The following NPHP4 variants were observed in gnomAD, a reference collection of about 807,000 sequenced individuals.
NPHP4 encodes nephrocystin-4.
In NPHP4, 151 loss-of-function variants were observed where a neutral mutation model predicts 155.8. The ratio of observed to expected loss-of-function variants is 0.97; its 90% confidence interval spans 0.85 to 1.11. The LOEUF is 1.11. Among genes scored for constraint, NPHP4 ranks in the 50% least tolerant of loss-of-function variants. The pLI, the probability that NPHP4 is intolerant of heterozygous loss-of-function variation, is 0.00. For synonymous variants in NPHP4, 845 were observed against 816.8 expected (o/e 1.03, Z -0.59); for missense variants, 1,956 against 1,925.7 (o/e 1.02, Z -0.29).
intron 4 of NPHP4, among the ~76,000 whole-genome samples, chr1:5,968,610 A>T (rs1245828198): frequency 6.6e-6 from 1 of 151,868 alleles, no homozygotes; most frequent in Non-Finnish European, 1.5e-5. Flanking sequence ...CGAAGAAAAA[A>T]AAAAAGGCAA....
At chr1:5,992,029 G>T (rs544293283) in intron 1 of NPHP4, among the ~76,000 whole-genome samples, 1 of 152,058 alleles carries the variant, frequency 6.6e-6, no homozygotes, top group Non-Finnish European at 1.5e-5. Context: ...GTGTCCCGAC[G>T]AGGGGGGACG....
intron 26 of NPHP4, 195 bp from the exon 27 acceptor site, chr1:5,865,468 TA>T (rs1641122663): frequency 4.0e-6 from 2 of 501,396 alleles, no homozygotes; most frequent in Admixed American, 6.6e-5. Context: ...GAGGCAGAGC[TA>T]GGGCCTGGTG....
At chr1:5,974,524 T>C (rs1219616702) in intron 3 of NPHP4, among the ~76,000 whole-genome samples, 2 of 152,154 alleles carry the variant, frequency 1.3e-5, no homozygotes, top group Non-Finnish European at 2.9e-5. Flanking sequence ...GACACTTTTT[T>C]AGAAGTTGAA....
intron 6 of NPHP4, among the ~76,000 whole-genome samples, chr1:5,955,478 T>A (rs1403856912): frequency 6.6e-6 from 1 of 152,228 alleles, no homozygotes; most frequent in African/African-American, 2.4e-5. Context: ...AGACACAGAA[T>A]CAACCTAGGT....
In NPHP4 at chr1:5,967,401, T is replaced by A. The variant is rs151083111; in HGVS notation, c.453-38A>T. 6.4e-4 allele frequency: 979 copies of A among 1,533,760 alleles called. 3 individuals carry two copies. In the African/African-American group the frequency reaches 0.012, roughly 19 times the overall value. On this transcript the variant is annotated intron_variant, in intron 4 of 29. Coordinates refer to ENST00000378156, the MANE Select transcript of NPHP4 (RefSeq NM_015102.5). ...ACCCAGAGAACAGTCGTCAGCCACG[T>A]GCGCACTTCTCAGAAGGAAAGCACA...
chr1:5,874,292 G>A (rs1642319904), intron 22 of NPHP4, among the ~76,000 whole-genome samples, 179 bp downstream of exon 22: 1 of 135,486 alleles, frequency 7.4e-6, no homozygotes, highest in South Asian at 2.2e-4. Flanking sequence ...GAAGGGGCTG[G>A]TTGCCACTTG....
At chr1:5,900,540 G>C (rs963087715) in intron 16 of NPHP4, among the ~76,000 whole-genome samples, 3 of 152,176 alleles carry the variant, frequency 2.0e-5, no homozygotes, top group Non-Finnish European at 4.4e-5. Flanking sequence ...AGTAGTGCCA[G>C]GGGAGGAGGG....
At chr1:5,888,132 C>A (rs554354504) in intron 17 of NPHP4, among the ~76,000 whole-genome samples, 5 of 152,182 alleles carry the variant, frequency 3.3e-5, no homozygotes, top group African/African-American at 1.2e-4. Flanking sequence ...CATGCCAGGC[C>A]GAGGCTGCTC....
At chr1:5,982,343 G>C (rs1654844848) in intron 2 of NPHP4, among the ~76,000 whole-genome samples, 1 of 152,112 alleles carries the variant, frequency 6.6e-6, no homozygotes. Context: ...ATTGCCAATG[G>C]TATTCAGTAC....
chr1:5,904,478 G>T, intron 16 of NPHP4, 139 bp downstream of exon 16: 1 of 617,572 alleles, frequency 1.6e-6, no homozygotes, highest in Non-Finnish European at 2.6e-6. Context: ...CTAAGTGTTT[G>T]CTGCACTGGT....
At chr1:5,972,983 C>T (rs765902293) in intron 3 of NPHP4, among the ~76,000 whole-genome samples, 16 of 152,180 alleles carry the variant, frequency 1.1e-4, no homozygotes, top group Non-Finnish European at 1.8e-4. Context: ...CCGCCGAGCT[C>T]AGGTGATTCT....
At chr1:5,955,917 G>C (rs926833083) in intron 6 of NPHP4, among the ~76,000 whole-genome samples, 1 of 152,200 alleles carries the variant, frequency 6.6e-6, no homozygotes, top group African/African-American at 2.4e-5. Flanking sequence ...GAAATGATGA[G>C]TGTGGGAGAT....
In NPHP4 at chr1:5,866,476, A is replaced by T; in HGVS notation, c.3559-18T>A. ...CCGGGGCCCTGCCAACCAGATGTGC[A>T]GCACATCAGGGCACACAGTGCTCTG... On this transcript the variant is annotated intron_variant, in intron 25 of 29. Transcript: ENST00000378156. 1 of 1,489,542 alleles carries T rather than the reference A, an allele frequency of 6.7e-7. No individual in the cohort carries two copies. Among genetic ancestry groups the T allele is most frequent in the African/African-American group, 1.4e-5 (1 of 72,974 alleles). The allele number at this position is 1,489,542 out of a possible 1,614,324, so 92.3% of individuals were successfully genotyped here.
chr1:5,888,596 G>T, intron 17 of NPHP4: 1 of 1,350,874 alleles, frequency 7.4e-7, no homozygotes, highest in Non-Finnish European at 9.8e-7. Flanking sequence ...AGACTGAGAA[G>T]ATATGAGAAG....
At chr1:5,908,611 GGGA>G (rs1557708529) in intron 12 of NPHP4, among the ~76,000 whole-genome samples, 1 of 152,010 alleles carries the variant, frequency 6.6e-6, no homozygotes, top group Non-Finnish European at 1.5e-5. Flanking sequence ...ACGGCCCAGC[GGGA>G]AGGCGCCTCT....
chr1:5,867,285 T>C lies in NPHP4; in HGVS notation c.3473-170A>G. The C allele has an allele frequency of 1.7e-6, 1 of 601,824 alleles. No individual in the cohort carries two copies. The highest frequency in any genetic ancestry group is 3.0e-6 in the Non-Finnish European group (1 of 337,100). The allele number at this position is 601,824 out of a possible 1,614,324, so 37.3% of individuals were successfully genotyped here. On this transcript the variant is annotated intron_variant, in intron 24 of 29. Transcript: ENST00000378156. The surrounding 1 kb of genome is among the most constrained non-coding windows in gnomAD (Gnocchi z 4.1). ...CTTTCCCAGGACAGCATCCAAGCACTGTGTTCCCTGCATGGACACCGCCCA... is the reference window on the plus strand; with the variant it reads ...CTTTCCCAGGACAGCATCCAAGCACCGTGTTCCCTGCATGGACACCGCCCA...
intron 12 of NPHP4, among the ~76,000 whole-genome samples, chr1:5,908,863 G>C (rs566076952): frequency 2.0e-5 from 3 of 152,324 alleles, no homozygotes; most frequent in Non-Finnish European, 4.4e-5. Flanking sequence ...GTCCAGTCCT[G>C]AGAGTTGCCA....
intron 11 of NPHP4, among the ~76,000 whole-genome samples, chr1:5,912,090 G>A (rs955636731): frequency 3.9e-5 from 6 of 152,218 alleles, no homozygotes; most frequent in African/African-American, 7.2e-5. Context: ...GCAGCGCTGC[G>A]ACAACAGCAA....
chr1:5,961,720 A>T, intron 6 of NPHP4, 74 bp downstream of exon 6: 1 of 1,452,234 alleles, frequency 6.9e-7, no homozygotes, highest in Non-Finnish European at 9.5e-7. Context: ...AGAAGAGCCC[A>T]GTGCCTTCAA....
Sources: allele counts gnomAD v4.1 joint callset (sites outside exome capture counted in the v4.1 genomes callset), GRCh38; gene constraint gnomAD v4.1.1; non-coding constraint Gnocchi (gnomAD v3.1); transcripts MANE v1.5; gene names NCBI Gene and HGNC (gene_info 2026-07-23, HGNC 2026-07-21).